C9orf85: variants seen among roughly 807,000 people sequenced by gnomAD.
C9orf85 encodes uncharacterized protein C9orf85.
A neutral mutation model predicts 14.9 loss-of-function variants in C9orf85; 16 were observed. That is an observed-to-expected ratio of 1.08 (90% CI 0.73 to 1.63). C9orf85 has a LOEUF of 1.63. Ranked by LOEUF, C9orf85 falls within the 40% of genes most tolerant of loss-of-function variation. C9orf85 has a pLI of 0.00. For synonymous variants in C9orf85, 45 were observed against 56.8 expected (o/e 0.79, Z 0.93); for missense variants, 172 against 186.1 (o/e 0.92, Z 0.44).
chr9:71,920,384 A>G (rs1309413038), intron 1 of C9orf85, among the ~76,000 whole-genome samples: 3 of 152,250 alleles, frequency 2.0e-5, no homozygotes, highest in Non-Finnish European at 2.9e-5. Context: ...TTGTTTCTAC[A>G]TAAATTCACG....
intron 2 of C9orf85, among the ~76,000 whole-genome samples, chr9:71,958,504 C>T (rs370588567): frequency 1.3e-5 from 2 of 151,832 alleles, no homozygotes; most frequent in African/African-American, 4.8e-5. Flanking sequence ...TCAGGTGATC[C>T]GCCCGCCTCA....
At chr9:71,962,006 AAT>A in intron 2 of C9orf85, among the ~76,000 whole-genome samples, 1 of 152,214 alleles carries the variant, frequency 6.6e-6, no homozygotes, top group African/African-American at 2.4e-5. Context: ...CACTACAAAA[AAT>A]AGAAAAAATT....
At position 71,946,470 on chromosome 9, in the gene C9orf85, T is replaced by C. The variant is rs1822087434; in HGVS notation, c.103-536T>C. ...GCAGTTTTGAGTTTTGACACATATA[T>C]ACATCAGAATCAATGGGAAGGTTAA... On this transcript the variant is annotated intron_variant, in intron 1 of 3. Coordinates refer to ENST00000334731, the MANE Select transcript of C9orf85 (RefSeq NM_182505.5). Among the ~76,000 whole-genome samples, 4 of 152,154 alleles carry C rather than the reference T, an allele frequency of 2.6e-5. No homozygotes were observed. In the South Asian group the frequency reaches 8.3e-4, roughly 32 times the overall value.
chr9:71,960,838 T>C (rs568700664), intron 2 of C9orf85, among the ~76,000 whole-genome samples: 11 of 152,018 alleles, frequency 7.2e-5, no homozygotes, highest in African/African-American at 2.4e-4. Context: ...CCCGGCCATA[T>C]TCTACATATC....
rs114883365 is a variant in C9orf85 at position 71,966,985 on chromosome 9, G to A, written c.210-4520G>A. Among the ~76,000 whole-genome samples the A allele has an allele frequency of 2.1e-3, 313 of 152,326 alleles. 1 individual carries two copies. The highest frequency in any genetic ancestry group is 7.3e-3 in the African/African-American group (304 of 41,574). On this transcript the variant is annotated intron_variant, in intron 2 of 3. Coordinates refer to ENST00000334731, the MANE Select transcript of C9orf85 (RefSeq NM_182505.5). ...CTCACAAAAGACAGCTTTGCTGGCCGTTTGTAAGATGTTCAAAATACTTAA... is the reference window on the plus strand; with the variant it reads ...CTCACAAAAGACAGCTTTGCTGGCCATTTGTAAGATGTTCAAAATACTTAA...
intron 3 of C9orf85, chr9:71,982,534 C>A (rs1823114660): frequency 2.9e-6 from 1 of 348,066 alleles, no homozygotes; most frequent in South Asian, 2.3e-5. Flanking sequence ...ACTGAGGAGG[C>A]TCAAGATCCT....
intron 2 of C9orf85, among the ~76,000 whole-genome samples, chr9:71,949,378 A>G (rs1178262363): frequency 6.6e-6 from 1 of 152,226 alleles, no homozygotes; most frequent in Non-Finnish European, 1.5e-5. Flanking sequence ...TGTAAAAAAG[A>G]TCACATCAGT....
intron 1 of C9orf85, among the ~76,000 whole-genome samples, chr9:71,917,691 A>C (rs1827685127): frequency 6.6e-6 from 1 of 152,242 alleles, no homozygotes; most frequent in Non-Finnish European, 1.5e-5. Flanking sequence ...GAGGGAAACA[A>C]ACCAGATACA....
At chr9:71,951,143 A>T (rs1373134309) in intron 2 of C9orf85, among the ~76,000 whole-genome samples, 1 of 152,192 alleles carries the variant, frequency 6.6e-6, no homozygotes, top group Non-Finnish European at 1.5e-5. Flanking sequence ...CAGTATTTTT[A>T]TAAACATGTT....
intron 2 of C9orf85, among the ~76,000 whole-genome samples, chr9:71,953,469 T>A (rs1167560761): frequency 6.6e-6 from 1 of 152,180 alleles, no homozygotes; most frequent in Non-Finnish European, 1.5e-5. Context: ...TAATATAACC[T>A]GCCTTGGAAC....
intron 1 of C9orf85, among the ~76,000 whole-genome samples, chr9:71,920,672 G>C (rs1321965810): frequency 6.6e-6 from 1 of 152,150 alleles, no homozygotes; most frequent in Non-Finnish European, 1.5e-5. Context: ...GAACACCCCA[G>C]CTGCCAGCTC....
rs947221865 is a variant in C9orf85 at position 71,950,533 on chromosome 9, G to A, written c.209+3421G>A. 1.1e-4 allele frequency among the ~76,000 whole-genome samples: 17 copies of A among 152,014 alleles called. No homozygotes were observed. The South Asian group carries it at 1.2e-3, about 11-fold the overall frequency. On this transcript the variant is annotated intron_variant, in intron 2 of 3. Transcript: ENST00000334731. Reference sequence around the variant, plus strand: ...CAGGCACACACATGCCACTGTGCCCGGCTAATTTTTGTATTTTTAGTAGAG... The same window carrying A: ...CAGGCACACACATGCCACTGTGCCCAGCTAATTTTTGTATTTTTAGTAGAG...
intron 1 of C9orf85, among the ~76,000 whole-genome samples, chr9:71,946,329 G>A (rs535728641): frequency 6.6e-6 from 1 of 152,284 alleles, no homozygotes; most frequent in African/African-American, 2.4e-5. Flanking sequence ...AACTCACGGG[G>A]AGGATTTGAA....
chr9:71,956,215 A>G (rs1281349949), intron 2 of C9orf85, among the ~76,000 whole-genome samples: 2 of 150,462 alleles, frequency 1.3e-5, no homozygotes, highest in Non-Finnish European at 3.0e-5. Flanking sequence ...GGGTATCACA[A>G]TTGGTAATAG....
At chr9:71,959,737 A>C (rs112956223) in intron 2 of C9orf85, among the ~76,000 whole-genome samples, 8 of 152,312 alleles carry the variant, frequency 5.3e-5, no homozygotes, top group African/African-American at 1.9e-4. Context: ...AAGAACCAAG[A>C]AGCTGGACTG....
intron 2 of C9orf85, among the ~76,000 whole-genome samples, chr9:71,963,471 T>C (rs6560243): frequency 0.98 from 149,549 of 152,248 alleles, 73,511 homozygotes; most frequent in Middle Eastern, 1. Context: ...CACCGCTGCA[T>C]TGTGGTAGCC....
intron 1 of C9orf85, among the ~76,000 whole-genome samples, chr9:71,912,598 T>C (rs530480801): frequency 6.6e-6 from 1 of 151,656 alleles, no homozygotes; most frequent in African/African-American, 2.4e-5. Flanking sequence ...AATACAAAAA[T>C]TAGCCGGGCG....
chr9:71,957,006 G>A (rs900020550), intron 2 of C9orf85, among the ~76,000 whole-genome samples: 5 of 150,512 alleles, frequency 3.3e-5, no homozygotes, highest in African/African-American at 1.2e-4. Context: ...TTTTTAAGTA[G>A]ACACGAGGTT....
At chr9:71,979,240 A>C (rs10119158) in intron 3 of C9orf85, among the ~76,000 whole-genome samples, 151,396 of 152,280 alleles carry the variant, frequency 0.99, 75,270 homozygotes, top group Middle Eastern at 1. Context: ...CCGCTGTGAC[A>C]CTGTTCTCAT....
Sources: gnomAD v4.1 joint callset for allele counts (sites outside exome capture counted in the v4.1 genomes callset) on GRCh38, gnomAD v4.1.1 for gene constraint, MANE v1.5 for transcripts, NCBI Gene and HGNC (gene_info 2026-07-23, HGNC 2026-07-21) for gene names.